Variants in RAB28 observed in about 807,000 individuals in gnomAD.
RAB28 encodes RAB28, member RAS oncogene family, also known as ras-related protein Rab-28.
A neutral mutation model predicts 31.7 loss-of-function variants in RAB28; 24 were observed. The observed-to-expected ratio is 0.76, with a 90% confidence interval of 0.55 to 1.06. The LOEUF is 1.06. Ranked by LOEUF, RAB28 falls within the 50% of genes least tolerant of loss-of-function variation. RAB28 has a pLI of 0.00. For synonymous variants in RAB28, 100 were observed against 90.4 expected, an observed-to-expected ratio of 1.11 and a Z score of -0.60; for missense variants, 254 against 258.5, an observed-to-expected ratio of 0.98 and a Z score of 0.12.
intron 4 of RAB28, among the ~76,000 whole-genome samples, chr4:13,459,397 A>T (rs973778466): frequency 9.9e-5 from 15 of 151,936 alleles, no homozygotes; most frequent in African/African-American, 3.4e-4. Context: ...CCTCTACAGA[A>T]CCCTAATATA....
chr4:13,420,811 G>A (rs975000480), intron 4 of RAB28, among the ~76,000 whole-genome samples: 22 of 152,152 alleles, frequency 1.4e-4, no homozygotes, highest in African/African-American at 4.8e-4. Context: ...TACTGAATGG[G>A]CAAAAACTGG....
At chr4:13,477,779 A>G (rs986530281) in intron 2 of RAB28, among the ~76,000 whole-genome samples, 1 of 151,504 alleles carries the variant, frequency 6.6e-6, no homozygotes, top group African/African-American at 2.4e-5. Context: ...AGTCTAAAAT[A>G]TTATACTATA....
At chr4:13,388,501 A>T (rs1401254100) in intron 4 of RAB28, among the ~76,000 whole-genome samples, 1 of 152,084 alleles carries the variant, frequency 6.6e-6, no homozygotes, top group Non-Finnish European at 1.5e-5. Flanking sequence ...AGAGAAACAA[A>T]AGAAATAACA....
intron 1 of RAB28, among the ~76,000 whole-genome samples, chr4:13,480,718 T>C (rs1160861504): frequency 6.6e-6 from 1 of 151,972 alleles, no homozygotes; most frequent in Non-Finnish European, 1.5e-5. Flanking sequence ...ATTTCGAAGA[T>C]AATTGGCCAA....
At chr4:13,446,763 G>A (rs949977204) in intron 4 of RAB28, among the ~76,000 whole-genome samples, 1 of 152,062 alleles carries the variant, frequency 6.6e-6, no homozygotes, top group Non-Finnish European at 1.5e-5. Flanking sequence ...TCCTCTCGCT[G>A]GGAGCTGCAG....
chr4:13,453,023 G>A (rs1055602032), intron 4 of RAB28, among the ~76,000 whole-genome samples: 3 of 151,868 alleles, frequency 2.0e-5, no homozygotes, highest in African/African-American at 7.3e-5. Context: ...ATTATATGAT[G>A]TCCTCCTTTG....
At chr4:13,440,714 C>T (rs545031796) in intron 4 of RAB28, among the ~76,000 whole-genome samples, 1 of 152,138 alleles carries the variant, frequency 6.6e-6, no homozygotes, top group Admixed American at 6.5e-5. Context: ...AATGTTAACA[C>T]CCTAATACCT....
At chr4:13,408,622 C>A (rs1027560899) in intron 4 of RAB28, among the ~76,000 whole-genome samples, 2 of 151,648 alleles carry the variant, frequency 1.3e-5, no homozygotes, top group Non-Finnish European at 2.9e-5. Flanking sequence ...AAAAAGCGGG[C>A]TAAAATCCTT....
chr4:13,370,758 T>G, intron 6 of RAB28: 1 of 984,990 alleles, frequency 1.0e-6, no homozygotes, highest in Non-Finnish European at 1.2e-6. Flanking sequence ...AAGTTCAAAA[T>G]GCAGTTGCAG....
chr4:13,471,271 G>T (rs2108969501), intron 3 of RAB28, among the ~76,000 whole-genome samples: 1 of 152,122 alleles, frequency 6.6e-6, no homozygotes, highest in Admixed American at 6.6e-5. Context: ...ATTATATAAA[G>T]ATATTGAGCT....
At position 13,484,200 on chromosome 4, in the gene RAB28, G is replaced by A. The variant is rs1300832243; in HGVS notation, c.-50C>T. 2 of 1,472,758 alleles carry A rather than the reference G, an allele frequency of 1.4e-6. No homozygotes were observed. Among genetic ancestry groups the A allele is most frequent in the Admixed American group, 1.9e-5 (1 of 51,654 alleles). 91.2% of individuals were successfully genotyped at this position (1,472,758 alleles called of 1,614,324 possible). A position where few individuals can be genotyped will look rare whatever the true frequency, so the allele number is the denominator to read the frequency against. ...CCTCGAGGTGGGGGGGGAAGGGAAG[G>A]ATGAAGGCTCCGGGGGCGGGGGAGA... On this transcript the variant is annotated 5_prime_UTR_variant, in exon 1 of 7. Transcript: ENST00000330852.
chr4:13,453,362 G>T, intron 4 of RAB28, among the ~76,000 whole-genome samples: 1 of 151,882 alleles, frequency 6.6e-6, no homozygotes, highest in East Asian at 1.9e-4. Flanking sequence ...CTTCCTTATT[G>T]CTTATTCTTA....
At chr4:13,451,838 AAG>A (rs1228627343) in intron 4 of RAB28, among the ~76,000 whole-genome samples, 2 of 151,966 alleles carry the variant, frequency 1.3e-5, no homozygotes, top group African/African-American at 4.8e-5. Flanking sequence ...GCATTTATTG[AAG>A]AGAGTGTCCT....
chr4:13,368,557 C>A lies in RAB28; in HGVS notation c.*1G>T. 1 of 1,603,742 alleles carries A rather than the reference C, an allele frequency of 6.2e-7. No homozygotes were observed. The highest frequency in any genetic ancestry group is 8.5e-7 in the Non-Finnish European group (1 of 1,175,500). The stretch of plus-strand genomic sequence containing the variant: ...ACTATCAACACAAAAGAAAAATGCG[C>A]TCACTGAACTGCACACATAGAGCTT... On this transcript the variant is annotated 3_prime_UTR_variant, in exon 7 of 7. Coordinates refer to ENST00000330852, the MANE Select transcript of RAB28 (RefSeq NM_001017979.3).
intron 4 of RAB28, among the ~76,000 whole-genome samples, chr4:13,449,967 A>G (rs1714879573): frequency 6.6e-6 from 1 of 151,934 alleles, no homozygotes; most frequent in Non-Finnish European, 1.5e-5. Context: ...TAACGGATTA[A>G]AGATAGAAAA....
chr4:13,471,173 C>G (rs1399636732), intron 3 of RAB28, among the ~76,000 whole-genome samples: 3 of 152,008 alleles, frequency 2.0e-5, no homozygotes, highest in Non-Finnish European at 4.4e-5. Context: ...TGTAGTATAT[C>G]AAAATCCAAA....
chr4:13,474,750 T>TA (rs1251689506), intron 2 of RAB28, among the ~76,000 whole-genome samples: 1 of 151,592 alleles, frequency 6.6e-6, no homozygotes, highest in Non-Finnish European at 1.5e-5. Context: ...GAGCAAGAAA[T>TA]ATACTTTAAA....
At chr4:13,370,579 A>C in intron 6 of RAB28, 1 of 965,798 alleles carries the variant, frequency 1.0e-6, no homozygotes. Context: ...GTAATTAATT[A>C]TCTTTGAAGG....
intron 4 of RAB28, among the ~76,000 whole-genome samples, chr4:13,438,104 A>G (rs1464185386): frequency 6.6e-6 from 1 of 152,194 alleles, no homozygotes; most frequent in Non-Finnish European, 1.5e-5. Flanking sequence ...AAAAATTAAA[A>G]TATTAAGAGA....
Sources: gnomAD v4.1 joint callset for allele counts (sites outside exome capture counted in the v4.1 genomes callset) on GRCh38, gnomAD v4.1.1 for gene constraint, MANE v1.5 for transcripts, NCBI Gene and HGNC (gene_info 2026-07-23, HGNC 2026-07-21) for gene names.